GALNTL6: variants seen among roughly 807,000 people sequenced by gnomAD.
GALNTL6 encodes polypeptide N-acetylgalactosaminyltransferase-like 6.
A neutral mutation model predicts 73.7 loss-of-function variants in GALNTL6; 46 were observed. The ratio of observed to expected loss-of-function variants is 0.62; its 90% confidence interval spans 0.49 to 0.80. The LOEUF (loss-of-function observed/expected upper bound fraction) is 0.80, where lower values mean the gene tolerates loss of function less well. Among genes scored for constraint, GALNTL6 ranks in the 30% least tolerant of loss-of-function variants. The pLI, the probability that GALNTL6 is intolerant of heterozygous loss-of-function variation, is 0.00. For missense variants in GALNTL6, 604 were observed against 755.0 expected (o/e 0.80, Z 2.34); for synonymous variants, 259 against 263.7 (o/e 0.98, Z 0.17).
At chr4:172,938,973 ATGT>A (rs1406454971) in intron 9 of GALNTL6, among the ~76,000 whole-genome samples, 1 of 152,214 alleles carries the variant, frequency 6.6e-6, no homozygotes, top group African/African-American at 2.4e-5. Flanking sequence ...CTGCAATTAT[ATGT>A]TTGCTTCTCT....
intron 2 of GALNTL6, among the ~76,000 whole-genome samples, chr4:171,832,763 G>A (rs1437700462): frequency 6.6e-6 from 1 of 151,566 alleles, no homozygotes; most frequent in Non-Finnish European, 1.5e-5. Flanking sequence ...TATTAATTAT[G>A]AGCCCAAGCA....
intron 5 of GALNTL6, among the ~76,000 whole-genome samples, chr4:172,502,238 G>C (rs1275357761): frequency 6.6e-6 from 1 of 152,100 alleles, no homozygotes; most frequent in Non-Finnish European, 1.5e-5. Context: ...CACAACTCCA[G>C]CTAGACTGTT....
At chr4:172,311,582 G>A in intron 3 of GALNTL6, 32 bp from the exon 4 acceptor site, 2 of 1,576,976 alleles carry the variant, frequency 1.3e-6, no homozygotes, top group South Asian at 1.2e-5. Context: ...CTTTTATAGA[G>A]ATGATAATCT....
chr4:172,050,007 A>AT (rs1730797491), intron 2 of GALNTL6, among the ~76,000 whole-genome samples: 1 of 8,348 alleles, frequency 1.2e-4, no homozygotes, highest in African/African-American at 1.4e-4. Flanking sequence ...AGAAGGAAAA[A>AT]GAAAAAAAAA....
intron 5 of GALNTL6, among the ~76,000 whole-genome samples, chr4:172,589,912 A>G (rs972478823): frequency 2.6e-5 from 4 of 152,058 alleles, no homozygotes; most frequent in African/African-American, 4.8e-5. Context: ...AGCATAATGG[A>G]CCAATTTTTT....
chr4:171,874,660 A>T (rs1736225921), intron 2 of GALNTL6, among the ~76,000 whole-genome samples: 1 of 152,330 alleles, frequency 6.6e-6, no homozygotes, highest in East Asian at 1.9e-4. Context: ...AGGAACAGAC[A>T]CTTGCAGCGG....
intron 5 of GALNTL6, among the ~76,000 whole-genome samples, chr4:172,658,373 A>G (rs1356110458): frequency 6.7e-6 from 1 of 149,582 alleles, no homozygotes; most frequent in Admixed American, 6.7e-5. Context: ...AGGCTGAGGC[A>G]GGAGAATGGC....
At chr4:171,953,237 TGTG>T in intron 2 of GALNTL6, among the ~76,000 whole-genome samples, 2 of 151,500 alleles carry the variant, frequency 1.3e-5, no homozygotes, top group African/African-American at 4.8e-5. Context: ...TGTGTGTGTG[TGTG>T]TGTGTGTGTG....
At chr4:172,083,938 G>A (rs115948157) in intron 2 of GALNTL6, among the ~76,000 whole-genome samples, 220 of 152,252 alleles carry the variant, frequency 1.4e-3, no homozygotes, top group African/African-American at 4.6e-3. Context: ...AGGAGTAAGC[G>A]TGTTAAGCTA....
intron 5 of GALNTL6, among the ~76,000 whole-genome samples, chr4:172,603,233 G>T (rs748890275): frequency 6.6e-6 from 1 of 152,126 alleles, no homozygotes; most frequent in Non-Finnish European, 1.5e-5. Flanking sequence ...AAATAGAGTT[G>T]ATTTTAAAAA....
intron 2 of GALNTL6, among the ~76,000 whole-genome samples, chr4:171,896,213 A>G (rs1736908594): frequency 6.6e-6 from 1 of 152,268 alleles, no homozygotes; most frequent in Non-Finnish European, 1.5e-5. Context: ...CTGGGTAAGC[A>G]TAACATTCTG....
chr4:172,883,299 A>G (rs1430340972), intron 8 of GALNTL6, among the ~76,000 whole-genome samples: 2 of 152,174 alleles, frequency 1.3e-5, no homozygotes, highest in Admixed American at 6.6e-5. Context: ...GTATAAGGCC[A>G]TTTTTGCATT....
chr4:172,287,165 T>A (rs1302650197), intron 3 of GALNTL6, among the ~76,000 whole-genome samples: 1 of 152,186 alleles, frequency 6.6e-6, no homozygotes, highest in East Asian at 1.9e-4. Flanking sequence ...GAAAACAATT[T>A]TTCTTTCAGT....
chr4:172,686,217 T>A (rs899039971), intron 5 of GALNTL6, among the ~76,000 whole-genome samples: 5 of 152,004 alleles, frequency 3.3e-5, no homozygotes, highest in Non-Finnish European at 7.4e-5. Context: ...CCACCTGCCT[T>A]CTCCCCTGTA....
At chr4:172,129,344 A>G (rs986596988) in intron 2 of GALNTL6, among the ~76,000 whole-genome samples, 2 of 152,196 alleles carry the variant, frequency 1.3e-5, no homozygotes, top group African/African-American at 2.4e-5. Flanking sequence ...GAGAAAAACA[A>G]CTTGGGGAGT....
intron 3 of GALNTL6, among the ~76,000 whole-genome samples, chr4:172,239,938 T>A (rs1469165560): frequency 6.6e-6 from 1 of 152,204 alleles, no homozygotes; most frequent in Non-Finnish European, 1.5e-5. Context: ...GCTTTTAGCC[T>A]GCTAGAGCTC....
chr4:172,906,479 A>G lies in GALNTL6; in HGVS notation c.1041+23572A>G, dbSNP rs940581495. On this transcript the variant is annotated intron_variant, in intron 8 of 12. Coordinates refer to ENST00000506823, the MANE Select transcript of GALNTL6 (RefSeq NM_001034845.3). ...ATCACAAACTTAGTGGCTTCAAACA[A>G]TACAAAATAATCTTACAGTCCTTGG... Among the ~76,000 whole-genome samples, 5 of 152,224 alleles carry G rather than the reference A, an allele frequency of 3.3e-5. 1 individual carries two copies. The highest frequency in any genetic ancestry group is 5.9e-5 in the Non-Finnish European group (4 of 68,028).
chr4:172,410,281 CATAT>C (rs1744383431), intron 5 of GALNTL6, among the ~76,000 whole-genome samples: 1 of 151,802 alleles, frequency 6.6e-6, no homozygotes, highest in African/African-American at 2.4e-5. Context: ...CCATCTTAAC[CATAT>C]ATATGCAGTT....
chr4:172,155,841 C>A (rs1356322447), intron 2 of GALNTL6, among the ~76,000 whole-genome samples: 1 of 152,108 alleles, frequency 6.6e-6, no homozygotes, highest in East Asian at 1.9e-4. Context: ...ACTCCATTTT[C>A]TAACCTTTCT....
Sources: gnomAD v4.1 joint callset for allele counts (sites outside exome capture counted in the v4.1 genomes callset) on GRCh38, gnomAD v4.1.1 for gene constraint, MANE v1.5 for transcripts, NCBI Gene and HGNC (gene_info 2026-07-23, HGNC 2026-07-21) for gene names.